VEPH1: variants seen among roughly 807,000 people sequenced by gnomAD.
VEPH1 encodes the protein ventricular zone-expressed PH domain-containing protein homolog 1.
A neutral mutation model predicts 85.2 loss-of-function variants in VEPH1; 80 were observed. The ratio of observed to expected loss-of-function variants is 0.94; its 90% CI spans 0.78 to 1.13. The LOEUF (loss-of-function observed/expected upper bound fraction) is 1.13, where lower values mean the gene tolerates loss of function less well. Ranked by LOEUF, VEPH1 falls within the 50% of genes most tolerant of loss-of-function variation. The pLI, the probability that VEPH1 is intolerant of heterozygous loss-of-function variation, is 0.00. For synonymous variants in VEPH1, 297 were observed against 348.0 expected, an observed-to-expected ratio of 0.85 and a Z score of 1.63; for missense variants, 955 against 980.5, an observed-to-expected ratio of 0.97 and a Z score of 0.35.
chr3:157,319,992 A>G (rs912075706), intron 9 of VEPH1, among the ~76,000 whole-genome samples: 6 of 152,036 alleles, frequency 3.9e-5, no homozygotes, highest in Non-Finnish European at 7.4e-5. Context: ...TTTTTTTCAG[A>G]GCTTTCTTGG....
intron 9 of VEPH1, among the ~76,000 whole-genome samples, chr3:157,341,339 T>C (rs1723535891): frequency 6.6e-6 from 1 of 152,216 alleles, no homozygotes; most frequent in Non-Finnish European, 1.5e-5. Flanking sequence ...AATGACTTGA[T>C]GGAGCTGAAA....
intron 2 of VEPH1, among the ~76,000 whole-genome samples, chr3:157,483,157 G>C (rs1738293508): frequency 9.5e-6 from 1 of 105,690 alleles, no homozygotes; most frequent in Admixed American, 1.0e-4. Context: ...CACACACAAT[G>C]TGTATATAAT....
At chr3:157,356,163 T>G (rs1001547669) in intron 9 of VEPH1, among the ~76,000 whole-genome samples, 1 of 152,132 alleles carries the variant, frequency 6.6e-6, no homozygotes, top group African/African-American at 2.4e-5. Flanking sequence ...CTTTCCAGTG[T>G]TGGGATTATG....
At chr3:157,299,624 C>G (rs1329928428) in intron 11 of VEPH1, among the ~76,000 whole-genome samples, 1 of 150,150 alleles carries the variant, frequency 6.7e-6, no homozygotes. Context: ...AATATAAAGT[C>G]TCAAAACATT....
intron 10 of VEPH1, among the ~76,000 whole-genome samples, chr3:157,315,281 T>G (rs1470328743): frequency 1.3e-5 from 2 of 152,090 alleles, no homozygotes; most frequent in African/African-American, 4.8e-5. Context: ...ATGGAGGATC[T>G]TAATGCTCAA....
At chr3:157,442,904 T>A (rs775017413) in intron 4 of VEPH1, 28 of 1,614,064 alleles carry the variant, frequency 1.7e-5, no homozygotes, top group Non-Finnish European at 2.3e-5. Context: ...CAGAGTCTTG[T>A]CACATCCGGG....
At chr3:157,497,295 A>C (rs1739739936) in intron 1 of VEPH1, among the ~76,000 whole-genome samples, 1 of 152,166 alleles carries the variant, frequency 6.6e-6, no homozygotes, top group Admixed American at 6.5e-5. Flanking sequence ...CTATGCCCTG[A>C]GATTTAGAGC....
At chr3:157,270,007 G>A (rs12496692) in intron 12 of VEPH1, among the ~76,000 whole-genome samples, 41,762 of 151,806 alleles carry the variant, frequency 0.28, 5,902 homozygotes, top group South Asian at 0.35. Flanking sequence ...TTGGGAGGCC[G>A]AGACAGAGGG....
chr3:157,485,665 G>A (rs950195172), intron 2 of VEPH1, among the ~76,000 whole-genome samples: 7 of 151,940 alleles, frequency 4.6e-5, no homozygotes, highest in East Asian at 1.9e-4. Context: ...CAAATAGATC[G>A]CTTATCATAA....
At chr3:157,261,410 A>G in intron 13 of VEPH1, 40 bp from the exon 14 acceptor site, 4 of 1,604,030 alleles carry the variant, frequency 2.5e-6, no homozygotes, top group Non-Finnish European at 3.4e-6. Context: ...GCTGGCTGTT[A>G]CTGTAGGCAA....
At chr3:157,286,295 T>G (rs1488430537) in intron 12 of VEPH1, 2 of 415,230 alleles carry the variant, frequency 4.8e-6, no homozygotes, top group African/African-American at 4.1e-5. Context: ...AAATGAATAC[T>G]TTTAGGGCAA....
intron 6 of VEPH1, among the ~76,000 whole-genome samples, chr3:157,408,693 G>A (rs1731315403): frequency 6.6e-6 from 1 of 152,122 alleles, no homozygotes; most frequent in Non-Finnish European, 1.5e-5. Context: ...TTTGCCTAAG[G>A]GGACTGGGAA....
chr3:157,400,441 T>G (rs1012693223), intron 6 of VEPH1, among the ~76,000 whole-genome samples: 2 of 152,170 alleles, frequency 1.3e-5, no homozygotes, highest in African/African-American at 4.8e-5. Context: ...TTAGTATATC[T>G]TTCCCAAAAA....
chr3:157,469,639 T>C (rs1267385031), intron 3 of VEPH1, among the ~76,000 whole-genome samples: 2 of 152,236 alleles, frequency 1.3e-5, no homozygotes, highest in African/African-American at 4.8e-5. Flanking sequence ...ACAAAGTTCT[T>C]TTCTGAGAAA....
At chr3:157,363,253 T>C in intron 9 of VEPH1, 111 bp downstream of exon 9, 1 of 1,073,778 alleles carries the variant, frequency 9.3e-7, no homozygotes. Context: ...AAAAATGATC[T>C]ATTTTGCAAA....
intron 4 of VEPH1, among the ~76,000 whole-genome samples, chr3:157,429,171 T>C (rs1232939591): frequency 6.6e-6 from 1 of 152,182 alleles, no homozygotes; most frequent in Non-Finnish European, 1.5e-5. Context: ...GCAATCAACA[T>C]ATGGGCAACA....
intron 9 of VEPH1, among the ~76,000 whole-genome samples, chr3:157,349,007 G>A (rs1311359054): frequency 6.6e-6 from 1 of 152,100 alleles, no homozygotes; most frequent in African/African-American, 2.4e-5. Flanking sequence ...ATTCTGTGAG[G>A]CCAGCATATC....
At chr3:157,453,745 A>G (rs1307995901) in intron 4 of VEPH1, among the ~76,000 whole-genome samples, 1 of 152,184 alleles carries the variant, frequency 6.6e-6, no homozygotes, top group Non-Finnish European at 1.5e-5. Context: ...AATCAGAGAG[A>G]GCAAGATCCC....
At chr3:157,329,287 A>G (rs1722253615) in intron 9 of VEPH1, among the ~76,000 whole-genome samples, 1 of 152,172 alleles carries the variant, frequency 6.6e-6, no homozygotes, top group African/African-American at 2.4e-5. Context: ...TGATTGACCC[A>G]TCAAATCCCA....
Sources: allele counts gnomAD v4.1 joint callset (sites outside exome capture counted in the v4.1 genomes callset), GRCh38; gene constraint gnomAD v4.1.1; transcripts MANE v1.5; gene names NCBI Gene and HGNC (gene_info 2026-07-23, HGNC 2026-07-21).